HMBOX1: variants seen among roughly 807,000 people sequenced by gnomAD.
The protein encoded by HMBOX1 is homeobox containing 1.
In HMBOX1, 14 loss-of-function variants were observed where a neutral mutation model predicts 54.5. That is an observed-to-expected ratio of 0.26 (90% CI 0.17 to 0.40). HMBOX1 has a LOEUF of 0.40. Ranked by LOEUF, HMBOX1 falls within the 10% of genes least tolerant of loss-of-function variation. HMBOX1 has a pLI of 1.00. For synonymous variants in HMBOX1, 160 were observed against 181.0 expected (o/e 0.88, Z 0.93); for missense variants, 332 against 514.4 (o/e 0.65, Z 3.43).
rs149189358 is a variant in HMBOX1 at position 28,898,115 on chromosome 8, G to C, written c.-58+7437G>C. Among the ~76,000 whole-genome samples the C allele has an allele frequency of 3.2e-3, 485 of 152,290 alleles. 1 individual carries two copies. The highest frequency in any genetic ancestry group is 0.011 in the African/African-American group (449 of 41,566). ...TCGATTATTACAGACAACAACGGAAGTCTGCTTTAAACAGGCTAACAAAAT... is the reference window on the plus strand; with the variant it reads ...TCGATTATTACAGACAACAACGGAACTCTGCTTTAAACAGGCTAACAAAAT... On this transcript the variant is annotated intron_variant, in intron 1 of 9. Transcript: ENST00000287701.
chr8:29,032,622 C>T (rs924097757), intron 6 of HMBOX1, among the ~76,000 whole-genome samples: 2 of 152,114 alleles, frequency 1.3e-5, no homozygotes, highest in Non-Finnish European at 2.9e-5. Flanking sequence ...ATTTCACCAT[C>T]TGCTAAGTAA....
Position 29,047,374 on chromosome 8 carries a change from T to C in HMBOX1, c.951T>C (p.Asp317=). Residue 317 remains aspartate, a synonymous_variant, in exon 8 of 10, where the codon GAT becomes GAC. Coordinates refer to ENST00000287701, the MANE Select transcript of HMBOX1 (RefSeq NM_001135726.3). The stretch of plus-strand genomic sequence containing the variant: ...TATTCACAGGCAAAAAGCTGTCAGA[T>C]CTGGAAAGAGTTACCTCCCTGAAAG... ...VIQKPGKKLS[D]LERVTSLKVY... is the part of the protein sequence containing the mutation. 6.2e-7 allele frequency: 1 copy of C among 1,606,704 alleles called. No individual in the cohort carries two copies. Among genetic ancestry groups the C allele is most frequent in the Non-Finnish European group, 8.5e-7 (1 of 1,173,374 alleles).
intron 4 of HMBOX1, among the ~76,000 whole-genome samples, chr8:29,002,753 A>G (rs1202574109): frequency 6.6e-6 from 1 of 152,162 alleles, no homozygotes; most frequent in Non-Finnish European, 1.5e-5. Flanking sequence ...CTTTTTAAAT[A>G]TATTTTAAAA....
At chr8:28,913,517 A>G (rs890903604) in intron 1 of HMBOX1, among the ~76,000 whole-genome samples, 3 of 152,006 alleles carry the variant, frequency 2.0e-5, no homozygotes, top group African/African-American at 7.3e-5. Context: ...ACTTCCCTAG[A>G]TTAGGTTAGG....
chr8:28,895,710 TAAAAC>T (rs568086987), intron 1 of HMBOX1, among the ~76,000 whole-genome samples: 6 of 152,146 alleles, frequency 3.9e-5, no homozygotes, highest in Non-Finnish European at 8.8e-5. Context: ...ATTGTATTGT[TAAAAC>T]ATGAAATCCT....
chr8:28,978,738 G>A (rs1297970856), intron 3 of HMBOX1, among the ~76,000 whole-genome samples: 1 of 128,620 alleles, frequency 7.8e-6, no homozygotes, highest in Non-Finnish European at 1.5e-5. Context: ...AGTGAGCCGA[G>A]ATTGCGCCAC....
intron 1 of HMBOX1, among the ~76,000 whole-genome samples, chr8:28,893,415 C>T (rs1811432232): frequency 6.6e-6 from 1 of 152,106 alleles, no homozygotes; most frequent in Non-Finnish European, 1.5e-5. Context: ...AAGATGTTGC[C>T]TGTATTATGG....
chr8:28,948,028 TCTTC>T (rs1159490416), intron 1 of HMBOX1, among the ~76,000 whole-genome samples: 9 of 152,160 alleles, frequency 5.9e-5, no homozygotes, highest in Non-Finnish European at 1.5e-5. Flanking sequence ...GCTCAAGTGA[TCTTC>T]CTTCCTTGGC....
chr8:29,049,345 G>T, intron 9 of HMBOX1: 10 of 1,531,818 alleles, frequency 6.5e-6, no homozygotes, highest in Non-Finnish European at 8.8e-6. Context: ...TCAGAGGGAG[G>T]CAGAGAAGCA....
chr8:29,040,624 T>C (rs1488176957), intron 6 of HMBOX1, among the ~76,000 whole-genome samples: 1 of 152,200 alleles, frequency 6.6e-6, no homozygotes, highest in Non-Finnish European at 1.5e-5. Context: ...TCAATGACAA[T>C]TCATATTTTT....
intron 1 of HMBOX1, among the ~76,000 whole-genome samples, chr8:28,922,574 T>A (rs888607323): frequency 6.6e-6 from 1 of 152,218 alleles, no homozygotes; most frequent in Non-Finnish European, 1.5e-5. Context: ...TGGGTACCGT[T>A]GAAATCTAAA....
intron 1 of HMBOX1, among the ~76,000 whole-genome samples, chr8:28,926,136 C>CA (rs1333579602): frequency 3.3e-5 from 5 of 151,330 alleles, no homozygotes; most frequent in Non-Finnish European, 5.9e-5. Context: ...CCGTCTATAC[C>CA]AAAAAAAATG....
intron 1 of HMBOX1, among the ~76,000 whole-genome samples, chr8:28,943,231 A>C (rs1017814940): frequency 6.6e-6 from 1 of 152,256 alleles, no homozygotes; most frequent in Non-Finnish European, 1.5e-5. Context: ...GAGAAAAAGC[A>C]TACAAATTGT....
intron 9 of HMBOX1, among the ~76,000 whole-genome samples, chr8:29,049,796 G>A (rs927815789): frequency 2.0e-5 from 3 of 152,128 alleles, no homozygotes; most frequent in Non-Finnish European, 4.4e-5. Flanking sequence ...TGCAGAGAAC[G>A]CATGGTACCT....
chr8:28,933,986 T>C (rs1037914340), intron 1 of HMBOX1, among the ~76,000 whole-genome samples: 5 of 152,192 alleles, frequency 3.3e-5, no homozygotes, highest in Non-Finnish European at 7.4e-5. Flanking sequence ...CCAGCATTAC[T>C]AGAATGCTAA....
At chr8:29,009,904 C>T in intron 5 of HMBOX1, 1 of 1,108,912 alleles carries the variant, frequency 9.0e-7, no homozygotes, top group Non-Finnish European at 1.1e-6. Context: ...AGCCTGCCCT[C>T]ATGTGTAAAT....
At chr8:29,041,822 G>A (rs978155406) in intron 6 of HMBOX1, among the ~76,000 whole-genome samples, 1 of 152,054 alleles carries the variant, frequency 6.6e-6, no homozygotes, top group African/African-American at 2.4e-5. Context: ...GTTGTTTGCG[G>A]GGGGACTTTG....
intron 4 of HMBOX1, among the ~76,000 whole-genome samples, chr8:29,003,280 TA>T (rs746065365): frequency 4.4e-4 from 67 of 151,972 alleles, no homozygotes; most frequent in Non-Finnish European, 7.1e-4. Flanking sequence ...CATTGCATCA[TA>T]ATTTATAATA....
Position 29,009,191 on chromosome 8 carries a change from C to G in HMBOX1, c.697+9C>G. 1 of 1,583,066 alleles carries G rather than the reference C, an allele frequency of 6.3e-7. No homozygotes were observed. The highest frequency in any genetic ancestry group is 8.7e-7 in the Non-Finnish European group (1 of 1,152,124). On this transcript the variant is annotated intron_variant, in intron 5 of 9. Coordinates refer to ENST00000287701, the MANE Select transcript of HMBOX1 (RefSeq NM_001135726.3). ...TGAGAAGACAAACCCTGGTAAATAG[C>G]ATTTCCTTTTATTTATTGCATCTGA... is the stretch of plus-strand genomic sequence containing the variant.
Sources: allele counts gnomAD v4.1 joint callset (sites outside exome capture counted in the v4.1 genomes callset), GRCh38; gene constraint gnomAD v4.1.1; transcripts MANE v1.5; gene names NCBI Gene and HGNC (gene_info 2026-07-23, HGNC 2026-07-21).